MAPRE1: variants seen among roughly 807,000 people sequenced by gnomAD.
The protein encoded by MAPRE1 is microtubule-associated protein RP/EB family member 1.
MAPRE1 carries 5 observed loss-of-function variants against 32.1 expected under a neutral mutation model. That is an observed-to-expected ratio of 0.16 (90% CI 0.08 to 0.33). The LOEUF is 0.33. MAPRE1 is among the 10% of genes least tolerant of loss of function. The pLI is 1.00. For synonymous variants in MAPRE1, 122 were observed against 118.9 expected (o/e 1.03, Z -0.17); for missense variants, 209 against 327.2 (o/e 0.64, Z 2.79).
intron 3 of MAPRE1, among the ~76,000 whole-genome samples, chr20:32,836,161 A>G (rs939981443): frequency 6.6e-6 from 1 of 151,578 alleles, no homozygotes; most frequent in Non-Finnish European, 1.5e-5. Context: ...AGGTGTCACC[A>G]TGTTGCCCAG....
Position 32,850,349 on chromosome 20 carries a change from A to T in MAPRE1, c.*1621A>T, listed in dbSNP as rs1441126848. 2.0e-5 allele frequency: 3 copies of T among 152,444 alleles called. No individual in the cohort carries two copies. Among genetic ancestry groups the T allele is most frequent in the Admixed American group, 2.0e-4 (3 of 15,262 alleles). 9.4% of individuals were successfully genotyped at this position (152,444 alleles called of 1,614,324 possible). ...CCCATTTTCCACCTGGTCTTTCTTG[A>T]CAGGGTTTTTTTCTACTTTAAACAG... On this transcript the variant is annotated 3_prime_UTR_variant, in exon 7 of 7. Coordinates refer to ENST00000375571, the MANE Select transcript of MAPRE1 (RefSeq NM_012325.3).
intron 4 of MAPRE1, among the ~76,000 whole-genome samples, chr20:32,839,315 G>A (rs1009119732): frequency 6.6e-6 from 1 of 152,212 alleles, no homozygotes; most frequent in Non-Finnish European, 1.5e-5. Context: ...TACGAAGCTG[G>A]ATTTGGTTTG....
chr20:32,829,816 A>G (rs1173185656), intron 2 of MAPRE1, among the ~76,000 whole-genome samples: 1 of 152,220 alleles, frequency 6.6e-6, no homozygotes, highest in Non-Finnish European at 1.5e-5. Flanking sequence ...AGGCAAGGAT[A>G]ACTTTCAGTG....
In MAPRE1 at chr20:32,825,603, T is replaced by C. The variant is rs1982823085; in HGVS notation, c.-3-322T>C. On this transcript the variant is annotated intron_variant, in intron 1 of 6. Transcript: ENST00000375571. The stretch of plus-strand genomic sequence containing the variant: ...TGAGGCCAGTAGTTCAAGACCAGCC[T>C]GGCCAACATGGTGAAACCCCATCTC... Among the ~76,000 whole-genome samples the C allele has an allele frequency of 2.0e-5, 3 of 152,140 alleles. No individual in the cohort carries two copies. The South Asian group carries it at 6.2e-4, about 32-fold the overall frequency.
intron 2 of MAPRE1, among the ~76,000 whole-genome samples, chr20:32,827,632 C>T (rs1395613555): frequency 6.6e-6 from 1 of 152,012 alleles, no homozygotes; most frequent in Non-Finnish European, 1.5e-5. Flanking sequence ...TGTGGTGGCT[C>T]GTGCCTGTAA....
At chr20:32,842,444 C>G (rs540718607) in intron 5 of MAPRE1, among the ~76,000 whole-genome samples, 2 of 152,176 alleles carry the variant, frequency 1.3e-5, no homozygotes, top group Non-Finnish European at 2.9e-5. Flanking sequence ...ATTTCACTTT[C>G]GCAGCAACCC....
At chr20:32,843,747 G>A (rs1413359377) in intron 5 of MAPRE1, among the ~76,000 whole-genome samples, 2 of 152,080 alleles carry the variant, frequency 1.3e-5, no homozygotes, top group Non-Finnish European at 2.9e-5. Flanking sequence ...TGGCTACTGT[G>A]GCCAGTGCAG....
intron 1 of MAPRE1, among the ~76,000 whole-genome samples, chr20:32,821,288 T>G (rs1183326571): frequency 6.6e-6 from 1 of 152,210 alleles, no homozygotes; most frequent in Non-Finnish European, 1.5e-5. Context: ...AGTGTTGGGA[T>G]TACAGGTGTG....
At chr20:32,845,120 A>C (rs1983473709) in intron 5 of MAPRE1, among the ~76,000 whole-genome samples, 1 of 152,188 alleles carries the variant, frequency 6.6e-6, no homozygotes, top group African/African-American at 2.4e-5. Flanking sequence ...AGCTTACTGC[A>C]GCCTTGAACT....
At chr20:32,842,365 G>A (rs1185212932) in intron 5 of MAPRE1, among the ~76,000 whole-genome samples, 2 of 152,204 alleles carry the variant, frequency 1.3e-5, no homozygotes, top group African/African-American at 2.4e-5. Context: ...CATTACAGGC[G>A]TGAGCCACAG....
intron 5 of MAPRE1, among the ~76,000 whole-genome samples, chr20:32,845,579 T>G (rs556529037): frequency 3.3e-5 from 5 of 152,208 alleles, no homozygotes; most frequent in Non-Finnish European, 5.9e-5. Flanking sequence ...TGATCTCCTC[T>G]GTTGTGTTTG....
intron 6 of MAPRE1, 121 bp downstream of exon 6, chr20:32,846,891 C>A: frequency 1.9e-6 from 2 of 1,057,678 alleles, no homozygotes; most frequent in African/African-American, 1.6e-5. Flanking sequence ...TTTAACCCCT[C>A]AAAGTCAGCC....
rs1324521486 is a variant in MAPRE1, at chr20:32,849,739, C to A, written c.*1011C>A. 6.6e-6 allele frequency: 1 copy of A among 152,628 alleles called. No homozygotes were observed. The highest frequency in any genetic ancestry group is 1.5e-5 in the Non-Finnish European group (1 of 68,058). 9.5% of individuals were successfully genotyped at this position (152,628 alleles called of 1,614,324 possible). A position where few individuals can be genotyped will look rare whatever the true frequency, so the allele number is the denominator to read the frequency against. On this transcript the variant is annotated 3_prime_UTR_variant, in exon 7 of 7. Transcript: ENST00000375571. ...CAGGTGATCATGCTGCAAGTTCTTT[C>A]TGGACCTCTGGCAAAGGGAGTGGTC... is the stretch of plus-strand genomic sequence containing the variant.
At chr20:32,828,501 GGGCATAAAGA>G (rs1982931377) in intron 2 of MAPRE1, among the ~76,000 whole-genome samples, 1 of 152,256 alleles carries the variant, frequency 6.6e-6, no homozygotes, top group Non-Finnish European at 1.5e-5. Context: ...AGACAGGACT[GGGCATAAAGA>G]GGCTTCAGTC....
At chr20:32,845,246 G>T (rs895166087) in intron 5 of MAPRE1, among the ~76,000 whole-genome samples, 1 of 152,060 alleles carries the variant, frequency 6.6e-6, no homozygotes, top group African/African-American at 2.4e-5. Flanking sequence ...TTGCCATGTT[G>T]CCCAGGCTGG....
rs568767195 is a variant in MAPRE1, at chr20:32,840,838, C to T, written c.597+982C>T. ...TATTTTTTATTTTCTTTTTTTGAGACGGAGTCTTGCTGTGTCGCCCAGGCT... is the reference window on the plus strand; with the variant it reads ...TATTTTTTATTTTCTTTTTTTGAGATGGAGTCTTGCTGTGTCGCCCAGGCT... On this transcript the variant is annotated intron_variant, in intron 5 of 6. Transcript: ENST00000375571. 2.9e-3 allele frequency among the ~76,000 whole-genome samples: 440 copies of T among 152,228 alleles called. 2 individuals are homozygous for T. The highest frequency in any genetic ancestry group is 9.3e-3 in the African/African-American group (385 of 41,536).
In MAPRE1 at chr20:32,826,059, T is replaced by C; in HGVS notation, c.121+11T>C. Reference sequence around the variant, plus strand: ...AACAGTTGTGCTCAGGTAAGAGAAATCTGCTGGATCATTTTTCTAGGAAAG... The same window carrying C: ...AACAGTTGTGCTCAGGTAAGAGAAACCTGCTGGATCATTTTTCTAGGAAAG... On this transcript the variant is annotated intron_variant, in intron 2 of 6. Transcript: ENST00000375571. The C allele has an allele frequency of 3.8e-6, 6 of 1,573,558 alleles. No homozygotes were observed. In the East Asian group the frequency reaches 6.8e-5, roughly 18 times the overall value.
Position 32,848,657 on chromosome 20 carries a change from A to C in MAPRE1, c.751-15A>C, listed in dbSNP as rs960948587. 2 of 1,609,328 alleles carry C rather than the reference A, an allele frequency of 1.2e-6. No individual in the cohort carries two copies. Among genetic ancestry groups the C allele is most frequent in the Non-Finnish European group, 1.7e-6 (2 of 1,177,390 alleles). ...GATCTTTCAGTGGCTTTCCCCTCTC[A>C]TTTTCCTATTTCAGGAAGGCTTTGT... On this transcript the variant is annotated splice_polypyrimidine_tract_variant and intron_variant, in intron 6 of 6. Transcript: ENST00000375571.
intron 1 of MAPRE1, among the ~76,000 whole-genome samples, chr20:32,823,136 C>T (rs111341189): frequency 3.9e-5 from 6 of 152,164 alleles, no homozygotes; most frequent in African/African-American, 7.2e-5. Flanking sequence ...GCAGACCTGG[C>T]AAGTTATTGA....
Sources: allele counts gnomAD v4.1 joint callset (sites outside exome capture counted in the v4.1 genomes callset), GRCh38; gene constraint gnomAD v4.1.1; transcripts MANE v1.5; gene names NCBI Gene and HGNC (gene_info 2026-07-23, HGNC 2026-07-21).